FOXL3: variants seen among roughly 807,000 people sequenced by gnomAD.
FOXL3 encodes the protein forkhead box protein L3.
Under a neutral mutation model 10.9 loss-of-function variants are expected in FOXL3, and 16 were observed. The observed-to-expected ratio is 1.46, with a 90% CI of 0.99 to 2.22. FOXL3 has a LOEUF of 2.22. FOXL3 is among the 30% of genes most tolerant of loss of function. FOXL3 has a pLI of 0.00. For missense variants in FOXL3, 400 were observed against 337.9 expected (o/e 1.18, Z -1.44); for synonymous variants, 170 against 152.0 (o/e 1.12, Z -0.87).
At chr7:290,356 G>A in intron 1 of FOXL3, 80 bp downstream of exon 1, 1 of 1,139,658 alleles carries the variant, frequency 8.8e-7, no homozygotes, top group Non-Finnish European at 1.3e-6. Flanking sequence ...GACCTGCCTG[G>A]GACGAAGGAA....
In FOXL3 at chr7:291,127, A is replaced by G; in HGVS notation, c.341A>G (p.Glu114Gly). 2.1e-6 allele frequency: 3 copies of G among 1,404,558 alleles called. No individual in the cohort carries two copies. The highest frequency in any genetic ancestry group is 2.8e-6 in the Non-Finnish European group (3 of 1,078,366). The allele number at this position is 1,404,558 out of a possible 1,614,324, so 87.0% of individuals were successfully genotyped here. The change falls in exon 3 of 3, where the codon GAG becomes GGG. Residue 114 changes from glutamate to glycine, a missense_variant. By Grantham distance (98) the Glu-to-Gly change is moderately conservative. Transcript: ENST00000506382. ...GNYWTFAGGC[E>G]SLLDLFENGN... is the part of the protein sequence containing the mutation. ...TACTGGACGTTCGCGGGCGGCTGCG[A>G]GTCGCTGCTGGACCTCTTCGAGAAC...
At chr7:290,970 C>A (rs1778633083) in intron 2 of FOXL3, 93 bp from the exon 3 acceptor site, 3 of 1,282,268 alleles carry the variant, frequency 2.3e-6, no homozygotes, top group Admixed American at 4.2e-5. Context: ...CAGTGCGCCA[C>A]CCTCGCCCCG....
In FOXL3 at chr7:290,229, C is replaced by A; in HGVS notation, c.60C>A (p.Pro20=). The change falls in exon 1 of 3, where the codon CCC becomes CCA. Residue 20 remains proline (P), a synonymous_variant. Coordinates refer to ENST00000506382, the MANE Select transcript of FOXL3 (RefSeq NM_001374838.1). The stretch of plus-strand genomic sequence containing the variant: ...TCAATTACGACGCCGACGACTACCC[C>A]GCCGGCAGCTCCGACGAAGACAAGA... ...NCFNYDADDY[P]AGSSDEDKRL... is the part of the protein sequence containing the mutation. 6.5e-7 allele frequency: 1 copy of A among 1,535,982 alleles called. No homozygotes were observed. Among genetic ancestry groups the A allele is most frequent in the Non-Finnish European group, 8.7e-7 (1 of 1,146,794 alleles).
rs528929946 is a variant in FOXL3, at chr7:291,161, CCGG to C, written c.393_395del (p.Arg132del). 4.7e-4 allele frequency: 612 copies of C among 1,293,480 alleles called. No homozygotes were observed. Among genetic ancestry groups the C allele is most frequent in the South Asian group, 2.5e-3 (119 of 47,746 alleles). The allele number at this position is 1,293,480 out of a possible 1,614,324, so 80.1% of individuals were successfully genotyped here. A position where few individuals can be genotyped will look rare whatever the true frequency, so the allele number is the denominator to read the frequency against. ...TGGACCTCTTCGAGAACGGCAACTACCGGCGGCGGCGGCGGCGGCGCGGCCCCA... is the reference window on the plus strand; with the variant it reads ...TGGACCTCTTCGAGAACGGCAACTACCGGCGGCGGCGGCGGCGCGGCCCCA... On this transcript the variant is annotated inframe_deletion, in exon 3 of 3. Coordinates refer to ENST00000506382, the MANE Select transcript of FOXL3 (RefSeq NM_001374838.1).
Position 291,350 on chromosome 7 carries a change from C to A in FOXL3, c.564C>A (p.His188Gln). ...PASPAPPGKEHPRDLKFSIDY... is the reference protein window; with the variant it reads ...PASPAPPGKEQPRDLKFSIDY... ...GCCCCGCTCCCCCGGGGAAGGAGCA[C>A]CCCCGGGACCTCAAGTTCAGCATCG... The change falls in exon 3 of 3, where the codon CAC becomes CAA. Residue 188 changes from histidine to glutamine, a missense_variant. His to Gln is a conservative substitution (Grantham distance 24, BLOSUM62 0). Transcript: ENST00000506382. 1.5e-6 allele frequency: 2 copies of A among 1,306,780 alleles called. No homozygotes were observed. Among genetic ancestry groups the A allele is most frequent in the Non-Finnish European group, 1.9e-6 (2 of 1,026,770 alleles). The allele number at this position is 1,306,780 out of a possible 1,614,324, so 80.9% of individuals were successfully genotyped here.
At chr7:290,874 C>T in intron 2 of FOXL3, 53 bp downstream of exon 2, 1 of 1,339,384 alleles carries the variant, frequency 7.5e-7, no homozygotes, top group Non-Finnish European at 9.5e-7. Flanking sequence ...GACACCTGCG[C>T]CAGGGCCTCG....
chr7:291,105 T>A lies in FOXL3; in HGVS notation c.319T>A (p.Trp107Arg). 1 of 1,417,856 alleles carries A rather than the reference T, an allele frequency of 7.1e-7. No homozygotes were observed. The highest frequency in any genetic ancestry group is 9.2e-7 in the Non-Finnish European group (1 of 1,086,902). 87.8% of individuals were successfully genotyped at this position (1,417,856 alleles called of 1,614,324 possible). The change falls in exon 3 of 3, where the codon TGG (tryptophan) becomes AGG (arginine). Residue 107 changes from tryptophan (W) to arginine (R), a missense_variant. By Grantham distance (101) the Trp-to-Arg change is moderately radical. Coordinates refer to ENST00000506382, the MANE Select transcript of FOXL3 (RefSeq NM_001374838.1). ...EGHEKGKGNY[W>R]TFAGGCESLL... is the part of the protein sequence containing the mutation. Reference sequence around the variant, plus strand: ...CCACGAGAAGGGCAAAGGCAACTACTGGACGTTCGCGGGCGGCTGCGAGTC... The same window carrying A: ...CCACGAGAAGGGCAAAGGCAACTACAGGACGTTCGCGGGCGGCTGCGAGTC...
rs1444052566 is a variant in FOXL3, at chr7:291,187, C to G, written c.401C>G (p.Pro134Arg). The change falls in exon 3 of 3, where the codon CCC (proline) becomes CGC (arginine). Residue 134 changes from proline (P) to arginine (R), a missense_variant. Transcript: ENST00000506382. ...CGGCGGCGGCGGCGGCGGCGCGGCC[C>G]CAAGCGCGAGGGGCCGAGGGGTCCG... ...NYRRRRRRRGPKREGPRGPRA... is the reference protein window; with the variant it reads ...NYRRRRRRRGRKREGPRGPRA... 1 of 1,246,686 alleles carries G rather than the reference C, an allele frequency of 8.0e-7. No homozygotes were observed. Among genetic ancestry groups the G allele is most frequent in the Non-Finnish European group, 1.0e-6 (1 of 995,518 alleles). The allele number at this position is 1,246,686 out of a possible 1,614,324, so 77.2% of individuals were successfully genotyped here. A position where few individuals can be genotyped will look rare whatever the true frequency, so the allele number is the denominator to read the frequency against.
rs1778642710 is a variant in FOXL3 at position 291,268 on chromosome 7, G to A, written c.482G>A (p.Gly161Glu). Residue 161 changes from glycine to glutamate, a missense_variant, in exon 3 of 3, where the codon GGG becomes GAG. By Grantham distance (98) the Gly-to-Glu change is moderately conservative. Transcript: ENST00000506382. ...SGPSEPPAAQGRLAPDSAGEG... is the reference protein window; with the variant it reads ...SGPSEPPAAQERLAPDSAGEG... Reference sequence around the variant, plus strand: ...CCGTCCGAGCCGCCCGCCGCTCAGGGGCGCCTGGCCCCGGACAGCGCTGGC... The same window carrying A: ...CCGTCCGAGCCGCCCGCCGCTCAGGAGCGCCTGGCCCCGGACAGCGCTGGC... 2 of 1,200,630 alleles carry A rather than the reference G, an allele frequency of 1.7e-6. No homozygotes were observed. Among genetic ancestry groups the A allele is most frequent in the South Asian group, 8.2e-5 (2 of 24,246 alleles). The allele number at this position is 1,200,630 out of a possible 1,614,324, so 74.4% of individuals were successfully genotyped here. A position where few individuals can be genotyped will look rare whatever the true frequency, so the allele number is the denominator to read the frequency against.
rs1487322312 is a variant in FOXL3 at position 291,176 on chromosome 7, G to C, written c.390G>C (p.Arg130=). ...FENGNYRRRR[R]RRGPKREGPR... Reference sequence around the variant, plus strand: ...ACGGCAACTACCGGCGGCGGCGGCGGCGGCGCGGCCCCAAGCGCGAGGGGC... The same window carrying C: ...ACGGCAACTACCGGCGGCGGCGGCGCCGGCGCGGCCCCAAGCGCGAGGGGC... Residue 130 remains arginine, a synonymous_variant, in exon 3 of 3, where the codon CGG becomes CGC. Coordinates refer to ENST00000506382, the MANE Select transcript of FOXL3 (RefSeq NM_001374838.1). 1 of 1,273,916 alleles carries C rather than the reference G, an allele frequency of 7.8e-7. No individual in the cohort carries two copies. Among genetic ancestry groups the C allele is most frequent in the Non-Finnish European group, 9.9e-7 (1 of 1,009,392 alleles). 78.9% of individuals were successfully genotyped at this position (1,273,916 alleles called of 1,614,324 possible).
intron 1 of FOXL3, 34 bp downstream of exon 1, chr7:290,310 A>G: frequency 6.8e-7 from 1 of 1,469,622 alleles, no homozygotes; most frequent in African/African-American, 1.4e-5. Context: ...GCTTTGGGGG[A>G]CAGTGACACC....
chr7:291,465 G>A lies in FOXL3; in HGVS notation c.679G>A (p.Gly227Arg), dbSNP rs1398202370. The change falls in exon 3 of 3, where the codon GGA becomes AGA. Residue 227 changes from glycine (G) to arginine (R), a missense_variant. Coordinates refer to ENST00000506382, the MANE Select transcript of FOXL3 (RefSeq NM_001374838.1). ...CAGATACCCGCGGCTGGAGAACGTG[G>A]GACTCCACTTTTGGACAATGTGATG... Reference protein sequence around the residue: ...EGRYPRLENVGLHFWTM With the variant: ...EGRYPRLENVRLHFWTM The A allele has an allele frequency of 4.0e-6, 5 of 1,236,814 alleles. No individual in the cohort carries two copies. The highest frequency in any genetic ancestry group is 4.0e-6 in the Non-Finnish European group (4 of 989,158). 76.6% of individuals were successfully genotyped at this position (1,236,814 alleles called of 1,614,324 possible). A position where few individuals can be genotyped will look rare whatever the true frequency, so the allele number is the denominator to read the frequency against.
Position 291,120 on chromosome 7 carries a change from G to A in FOXL3, c.334G>A (p.Gly112Ser), listed in dbSNP as rs36129019. Residue 112 changes from glycine (G) to serine (S), a missense_variant, in exon 3 of 3, where the codon GGC becomes AGC. Gly to Ser is a moderately conservative substitution (Grantham distance 56). Coordinates refer to ENST00000506382, the MANE Select transcript of FOXL3 (RefSeq NM_001374838.1). ...AGGCAACTACTGGACGTTCGCGGGC[G>A]GCTGCGAGTCGCTGCTGGACCTCTT... ...GKGNYWTFAGGCESLLDLFEN... is the reference protein window; with the variant it reads ...GKGNYWTFAGSCESLLDLFEN... 630,492 of 1,401,208 alleles carry A rather than the reference G, an allele frequency of 0.45. 149,811 individuals carry two copies. The highest frequency in any genetic ancestry group is 0.49 in the Non-Finnish European group (528,376 of 1,076,996). 86.8% of individuals were successfully genotyped at this position (1,401,208 alleles called of 1,614,324 possible). A position where few individuals can be genotyped will look rare whatever the true frequency, so the allele number is the denominator to read the frequency against.
chr7:290,936 C>G, intron 2 of FOXL3, 115 bp downstream of exon 2: 1 of 1,279,844 alleles, frequency 7.8e-7, no homozygotes, highest in Non-Finnish European at 9.9e-7. Context: ...CCGTCCTCAG[C>G]CCACGGGGCC....
chr7:290,615 G>A, intron 1 of FOXL3, 38 bp from the exon 2 acceptor site: 1 of 1,415,036 alleles, frequency 7.1e-7, no homozygotes, highest in East Asian at 2.6e-5. Flanking sequence ...ACGGGGGGCT[G>A]CCCGGTGGAG....
In FOXL3 at chr7:290,793, A is replaced by T; in HGVS notation, c.248A>T (p.Asn83Ile). The T allele has an allele frequency of 4.0e-6, 6 of 1,511,502 alleles. No individual in the cohort carries two copies. The highest frequency in any genetic ancestry group is 5.3e-6 in the Non-Finnish European group (6 of 1,134,568). 93.6% of individuals were successfully genotyped at this position (1,511,502 alleles called of 1,614,324 possible). A position where few individuals can be genotyped will look rare whatever the true frequency, so the allele number is the denominator to read the frequency against. ...QRAWQNSIRH[N>I]LSLNSCFVKV... ...GCCTGGCAGAACTCCATCCGCCACA[A>T]CCTGTCCCTCAACAGCTGCTTCGTC... The change falls in exon 2 of 3, where the codon AAC (asparagine) becomes ATC (isoleucine). Residue 83 changes from asparagine to isoleucine, a missense_variant. Transcript: ENST00000506382.
In FOXL3 at chr7:291,182, C is replaced by G; in HGVS notation, c.396C>G (p.Arg132=). Residue 132 remains arginine, a synonymous_variant, in exon 3 of 3, where the codon CGC becomes CGG. Coordinates refer to ENST00000506382, the MANE Select transcript of FOXL3 (RefSeq NM_001374838.1). Reference sequence around the variant, plus strand: ...ACTACCGGCGGCGGCGGCGGCGGCGCGGCCCCAAGCGCGAGGGGCCGAGGG... The same window carrying G: ...ACTACCGGCGGCGGCGGCGGCGGCGGGGCCCCAAGCGCGAGGGGCCGAGGG... ...NGNYRRRRRR[R]GPKREGPRGP... The G allele has an allele frequency of 1.6e-6, 2 of 1,250,288 alleles. No homozygotes were observed. The allele number at this position is 1,250,288 out of a possible 1,614,324, so 77.4% of individuals were successfully genotyped here. A position where few individuals can be genotyped will look rare whatever the true frequency, so the allele number is the denominator to read the frequency against.
In FOXL3 at chr7:290,765, C is replaced by A; in HGVS notation, c.220C>A (p.Arg74Ser). Residue 74 changes from arginine (R) to serine (S), a missense_variant, in exon 2 of 3, where the codon CGC becomes AGC. Physicochemically the swap from Arg to Ser is moderately radical, Grantham distance 110. Transcript: ENST00000506382. ...RKFPYYRANQ[R>S]AWQNSIRHNL... ...ATTCCCCTATTACCGCGCCAACCAG[C>A]GCGCCTGGCAGAACTCCATCCGCCA... is the stretch of plus-strand genomic sequence containing the variant. The A allele has an allele frequency of 1.3e-6, 2 of 1,490,960 alleles. No homozygotes were observed. The highest frequency in any genetic ancestry group is 8.9e-7 in the Non-Finnish European group (1 of 1,124,112). The allele number at this position is 1,490,960 out of a possible 1,614,324, so 92.4% of individuals were successfully genotyped here.
chr7:290,530 C>A, intron 1 of FOXL3, 123 bp from the exon 2 acceptor site: 4 of 1,036,822 alleles, frequency 3.9e-6, no homozygotes, highest in Non-Finnish European at 5.4e-6. Flanking sequence ...CCGCGAGCTG[C>A]GGGGACACTT....
Sources: allele counts gnomAD v4.1 joint callset, GRCh38; gene constraint gnomAD v4.1.1; transcripts MANE v1.5; gene names NCBI Gene and HGNC (gene_info 2026-07-23, HGNC 2026-07-21).